Variants in EDAR observed in about 807,000 individuals in gnomAD.
EDAR encodes ectodysplasin A receptor, also known as tumor necrosis factor receptor superfamily member EDAR.
Under a neutral mutation model 51.3 loss-of-function variants are expected in EDAR, and 38 were observed. The observed-to-expected ratio is 0.74, with a 90% confidence interval of 0.57 to 0.97. EDAR has a LOEUF of 0.97. Among genes scored for constraint, EDAR ranks in the 50% least tolerant of loss-of-function variants. EDAR has a pLI of 0.00. For missense variants in EDAR, 528 were observed against 595.0 expected, an observed-to-expected ratio of 0.89 and a Z score of 1.17; for synonymous variants, 227 against 242.1, an observed-to-expected ratio of 0.94 and a Z score of 0.58.
At chr2:108,931,079 C>G in intron 1 of EDAR, 47 bp from the exon 2 acceptor site, 1 of 1,549,080 alleles carries the variant, frequency 6.5e-7, no homozygotes, top group Non-Finnish European at 8.9e-7. Context: ...AGCACCCCAG[C>G]CGGGGGTCTG....
At chr2:108,947,898 T>C (rs925123769) in intron 1 of EDAR, among the ~76,000 whole-genome samples, 5 of 152,248 alleles carry the variant, frequency 3.3e-5, no homozygotes, top group African/African-American at 1.2e-4. Flanking sequence ...TTTGAATTCC[T>C]CCCCAGAAAA....
intron 1 of EDAR, among the ~76,000 whole-genome samples, chr2:108,962,698 A>AC (rs57804174): frequency 7.9e-6 from 1 of 126,034 alleles, no homozygotes; most frequent in African/African-American, 3.1e-5. Flanking sequence ...AAAAAAAAAA[A>AC]AAAGAGAGAA....
chr2:108,977,661 G>A (rs1698348296), intron 1 of EDAR, among the ~76,000 whole-genome samples: 1 of 152,042 alleles, frequency 6.6e-6, no homozygotes, highest in Non-Finnish European at 1.5e-5. Context: ...TCCCTCCTGG[G>A]ACCCGGCTCT....
At chr2:108,957,298 C>A (rs756365833) in intron 1 of EDAR, among the ~76,000 whole-genome samples, 3 of 152,206 alleles carry the variant, frequency 2.0e-5, no homozygotes, top group Non-Finnish European at 2.9e-5. Context: ...AACAGCAACG[C>A]CTCTTGTTTA....
At chr2:108,929,038 TC>T (rs1419421759) in intron 4 of EDAR, among the ~76,000 whole-genome samples, 159 bp downstream of exon 4, 7 of 152,172 alleles carry the variant, frequency 4.6e-5, no homozygotes, top group African/African-American at 1.7e-4. Flanking sequence ...GGACTCTCCG[TC>T]CTGGATGCTG....
intron 1 of EDAR, among the ~76,000 whole-genome samples, chr2:108,949,210 G>A (rs1053565935): frequency 3.9e-5 from 6 of 152,132 alleles, no homozygotes; most frequent in African/African-American, 1.4e-4. Flanking sequence ...GTGTACTCCT[G>A]AGCTCAAGTG....
At chr2:108,967,905 T>G (rs1470149191) in intron 1 of EDAR, among the ~76,000 whole-genome samples, 1 of 152,132 alleles carries the variant, frequency 6.6e-6, no homozygotes, top group Non-Finnish European at 1.5e-5. Flanking sequence ...TCAAGATTAG[T>G]GAGTCTAAGA....
At chr2:108,960,004 A>T (rs1698008106) in intron 1 of EDAR, among the ~76,000 whole-genome samples, 1 of 152,164 alleles carries the variant, frequency 6.6e-6, no homozygotes, top group Non-Finnish European at 1.5e-5. Context: ...CCACTCAGTC[A>T]ATGTCATGAT....
intron 1 of EDAR, among the ~76,000 whole-genome samples, chr2:108,980,823 G>C (rs1399893629): frequency 6.6e-6 from 1 of 152,134 alleles, no homozygotes; most frequent in Non-Finnish European, 1.5e-5. Flanking sequence ...TGGCCAACCT[G>C]GCACCATACT....
intron 1 of EDAR, among the ~76,000 whole-genome samples, chr2:108,939,680 A>G (rs1391396011): frequency 3.9e-5 from 6 of 152,186 alleles, no homozygotes; most frequent in Non-Finnish European, 7.3e-5. Context: ...GCAATAGATG[A>G]ATGAGTTATT....
chr2:108,917,551 T>C (rs976649715), intron 5 of EDAR, among the ~76,000 whole-genome samples: 3 of 152,198 alleles, frequency 2.0e-5, no homozygotes, highest in Non-Finnish European at 4.4e-5. Context: ...TATGTATCAA[T>C]TGAAAGAAGA....
chr2:108,985,995 A>C (rs1017879779), intron 1 of EDAR, among the ~76,000 whole-genome samples: 16 of 152,122 alleles, frequency 1.1e-4, no homozygotes, highest in African/African-American at 3.4e-4. Flanking sequence ...CCCTGCCAAG[A>C]CCCAGGGCAA....
intron 11 of EDAR, among the ~76,000 whole-genome samples, chr2:108,905,946 A>G (rs750264845): frequency 2.6e-5 from 4 of 152,138 alleles, no homozygotes; most frequent in Non-Finnish European, 4.4e-5. Context: ...TAAATGACTG[A>G]TCACGTTTCC....
At chr2:108,907,118 A>G (rs1696821189) in intron 10 of EDAR, among the ~76,000 whole-genome samples, 1 of 152,202 alleles carries the variant, frequency 6.6e-6, no homozygotes, top group Non-Finnish European at 1.5e-5. Flanking sequence ...ACAGCACATT[A>G]CAGGGCGGTA....
Position 108,971,169 on chromosome 2 carries a change from T to C in EDAR, c.-19+17791A>G, listed in dbSNP as rs758465243. Among the ~76,000 whole-genome samples the C allele has an allele frequency of 5.3e-4, 81 of 152,174 alleles. 3 individuals are homozygous for C. The highest frequency in any genetic ancestry group is 1.0e-4 in the Non-Finnish European group (7 of 68,016). ...TCAGACCCTGATGGTGCTGGCTACA[T>C]GTTTTCCGTCTCCAACTGGATTCCT... On this transcript the variant is annotated intron_variant, in intron 1 of 11. Coordinates refer to ENST00000258443, the MANE Select transcript of EDAR (RefSeq NM_022336.4).
At chr2:108,965,715 T>A (rs1172666447) in intron 1 of EDAR, among the ~76,000 whole-genome samples, 4 of 151,816 alleles carry the variant, frequency 2.6e-5, no homozygotes. Context: ...GTAATTGGGG[T>A]TTGATGTAGG....
chr2:108,910,892 G>A, intron 7 of EDAR, 42 bp from the exon 8 acceptor site: 1 of 1,613,860 alleles, frequency 6.2e-7, no homozygotes, highest in Non-Finnish European at 8.5e-7. Context: ...CTCTCCGACA[G>A]GGGGAGTTGA....
chr2:108,942,635 TGCTTTCCACGCCAGAG>T (rs1013193565), intron 1 of EDAR, among the ~76,000 whole-genome samples: 44 of 152,358 alleles, frequency 2.9e-4, no homozygotes, highest in African/African-American at 1.1e-3. Flanking sequence ...TTCCGCCACC[TGCTTTCCACGCCAGAG>T]GCCTTTCAAG....
At chr2:108,971,866 CG>C (rs1306565145) in intron 1 of EDAR, among the ~76,000 whole-genome samples, 1 of 152,190 alleles carries the variant, frequency 6.6e-6, no homozygotes, top group Non-Finnish European at 1.5e-5. Flanking sequence ...GCAGAAGAGA[CG>C]GTGCAATTAC....
Sources: gnomAD v4.1 joint callset for allele counts (sites outside exome capture counted in the v4.1 genomes callset) on GRCh38, gnomAD v4.1.1 for gene constraint, MANE v1.5 for transcripts, NCBI Gene and HGNC (gene_info 2026-07-23, HGNC 2026-07-21) for gene names.